The following RNF220 variants were observed in gnomAD, a reference collection of about 807,000 sequenced individuals.
RNF220 encodes E3 ubiquitin-protein ligase RNF220.
Under a neutral mutation model 67.1 loss-of-function variants are expected in RNF220, and 7 were observed. The ratio of observed to expected loss-of-function variants is 0.10; its 90% CI spans 0.06 to 0.20. The LOEUF (loss-of-function observed/expected upper bound fraction) is 0.20, where lower values mean the gene tolerates loss of function less well. Among genes scored for constraint, RNF220 ranks in the 10% least tolerant of loss-of-function variants. The probability of loss-of-function intolerance (pLI) is 1.00; values close to 1 mark genes in which losing one functional copy is unlikely to be tolerated. For synonymous variants in RNF220, 270 were observed against 283.2 expected (o/e 0.95, Z 0.47); for missense variants, 565 against 740.3 (o/e 0.76, Z 2.75).
At position 44,417,995 on chromosome 1, in the gene RNF220, G is replaced by A. The variant is rs1415631387; in HGVS notation, c.625+5273G>A. ...GGCCGCACACACGAGGGCCCGTCGCGCCCCCCGCCCTGCCCCGCCTCGCCC... is the reference window on the plus strand; with the variant it reads ...GGCCGCACACACGAGGGCCCGTCGCACCCCCCGCCCTGCCCCGCCTCGCCC... On this transcript the variant is annotated intron_variant, in intron 2 of 14. Transcript: ENST00000361799. This position sits in a 1 kb window ranked among gnomAD's most constrained non-coding sequence, Gnocchi z 4.0. Among the ~76,000 whole-genome samples, 3 of 151,932 alleles carry A rather than the reference G, an allele frequency of 2.0e-5. No homozygotes were observed. Among genetic ancestry groups the A allele is most frequent in the Admixed American group, 6.6e-5 (1 of 15,264 alleles).
intron 6 of RNF220, among the ~76,000 whole-genome samples, chr1:44,634,575 ACT>A (rs1644269967): frequency 6.6e-6 from 1 of 151,248 alleles, no homozygotes; most frequent in South Asian, 2.1e-4. Context: ...GGCTCTCCCC[ACT>A]CCCCATCAGT....
intron 8 of RNF220, 63 bp from the exon 9 acceptor site, chr1:44,644,635 A>G (rs1269461933): frequency 1.5e-6 from 2 of 1,346,342 alleles, no homozygotes; most frequent in Admixed American, 1.7e-5. Context: ...CCTGGAGGCA[A>G]CAGGAGGGGC....
chr1:44,604,679 C>A (rs1008150939), intron 2 of RNF220, among the ~76,000 whole-genome samples: 4 of 152,264 alleles, frequency 2.6e-5, no homozygotes, highest in African/African-American at 9.6e-5. Flanking sequence ...CTTCACCTGG[C>A]TGTCTTGCAG....
chr1:44,492,478 G>A (rs1335983078), intron 2 of RNF220, among the ~76,000 whole-genome samples: 1 of 152,134 alleles, frequency 6.6e-6, no homozygotes, highest in Non-Finnish European at 1.5e-5. Context: ...ATGCATAGAA[G>A]TATTATTCAT....
intron 12 of RNF220, among the ~76,000 whole-genome samples, chr1:44,647,515 AG>A (rs11306970): frequency 0.23 from 34,942 of 152,056 alleles, 5,255 homozygotes; most frequent in Middle Eastern, 0.34. Context: ...CCAGGAGGAA[AG>A]AGTCAGAGCC....
intron 2 of RNF220, among the ~76,000 whole-genome samples, chr1:44,500,765 C>T (rs573523477): frequency 1.3e-5 from 2 of 152,260 alleles, no homozygotes; most frequent in African/African-American, 2.4e-5. Context: ...TTCTAATTGC[C>T]GCTGCTGCTG....
intron 2 of RNF220, among the ~76,000 whole-genome samples, chr1:44,441,747 A>T (rs1651580197): frequency 6.6e-6 from 1 of 152,212 alleles, no homozygotes; most frequent in Admixed American, 6.5e-5. Flanking sequence ...TGATAAGAGG[A>T]GTCAGCAGCA....
intron 2 of RNF220, among the ~76,000 whole-genome samples, chr1:44,474,072 A>T (rs1655057136): frequency 1.3e-5 from 2 of 152,104 alleles, no homozygotes; most frequent in Non-Finnish European, 2.9e-5. Context: ...CAAGAAAAAA[A>T]ATAAAAAAAT....
intron 2 of RNF220, among the ~76,000 whole-genome samples, chr1:44,426,220 A>C (rs1273789490): frequency 1.3e-5 from 2 of 152,230 alleles, no homozygotes; most frequent in African/African-American, 2.4e-5. Context: ...TCAGAGGCAC[A>C]GTGCTTTGGC....
intron 2 of RNF220, among the ~76,000 whole-genome samples, chr1:44,496,090 T>C (rs1432263738): frequency 6.6e-6 from 1 of 152,202 alleles, no homozygotes. Context: ...ATCTGGGTTT[T>C]AGAAGGAGCC....
rs1644748993 is a variant in RNF220, at chr1:44,650,025, C to T, written c.1629+68C>T. 1 of 1,495,614 alleles carries T rather than the reference C, an allele frequency of 6.7e-7. No homozygotes were observed. The highest frequency in any genetic ancestry group is 9.2e-7 in the Non-Finnish European group (1 of 1,087,778). 92.6% of individuals were successfully genotyped at this position (1,495,614 alleles called of 1,614,324 possible). ...CACTGCCCAGATGTCTGTGCTTATG[C>T]CTGAGCCTGCCTGGGGGAAGTGGGG... is the stretch of plus-strand genomic sequence containing the variant. On this transcript the variant is annotated intron_variant, in intron 14 of 14. Transcript: ENST00000361799. The surrounding 1 kb of genome is among the most constrained non-coding windows in gnomAD (Gnocchi z 4.3).
At chr1:44,512,471 C>T (rs1442715578) in intron 2 of RNF220, among the ~76,000 whole-genome samples, 1 of 152,130 alleles carries the variant, frequency 6.6e-6, no homozygotes, top group Non-Finnish European at 1.5e-5. Flanking sequence ...AGGTGACACA[C>T]TGGGGTGGTT....
At chr1:44,627,763 G>A (rs1348322286) in intron 5 of RNF220, among the ~76,000 whole-genome samples, 1 of 152,346 alleles carries the variant, frequency 6.6e-6, no homozygotes, top group Non-Finnish European at 1.5e-5. Context: ...CAGGGCTGCA[G>A]GGACCTGTAA....
At chr1:44,566,797 C>T (rs1664056042) in intron 2 of RNF220, among the ~76,000 whole-genome samples, 1 of 152,168 alleles carries the variant, frequency 6.6e-6, no homozygotes, top group South Asian at 2.1e-4. Flanking sequence ...GGGGGAGACA[C>T]AGAAATGCCC....
At position 44,533,814 on chromosome 1, in the gene RNF220, G is replaced by C. The variant is rs1288884642; in HGVS notation, c.626-80351G>C. On this transcript the variant is annotated intron_variant, in intron 2 of 14. Transcript: ENST00000361799. ...AAAAAGTGGATAAGCATTCTAAGTA[G>C]AGGGATCAGAATGAGCAAAAGCAGA... is the stretch of plus-strand genomic sequence containing the variant. Among the ~76,000 whole-genome samples the C allele has an allele frequency of 2.6e-5, 4 of 152,242 alleles. No homozygotes were observed. In the South Asian group the frequency reaches 6.2e-4, roughly 24 times the overall value.
At chr1:44,521,000 A>T (rs1659894496) in intron 2 of RNF220, among the ~76,000 whole-genome samples, 1 of 152,158 alleles carries the variant, frequency 6.6e-6, no homozygotes, top group South Asian at 2.1e-4. Context: ...GGCTCAAAGG[A>T]TCCTCTCACC....
intron 2 of RNF220, chr1:44,423,838 C>A (rs1649468784): frequency 1.0e-6 from 1 of 985,112 alleles, no homozygotes; most frequent in Non-Finnish European, 1.2e-6. Flanking sequence ...TTGACTTTCG[C>A]GAGGGAGGTT....
rs1438070915 is a variant in RNF220, at chr1:44,412,257, G to T, written c.160G>T (p.Val54Phe). The change falls in exon 2 of 15, where the codon GTT becomes TTT. Residue 54 changes from valine (V) to phenylalanine (F), a missense_variant. Val to Phe is a conservative substitution (Grantham distance 50). Coordinates refer to ENST00000361799, the MANE Select transcript of RNF220 (RefSeq NM_018150.4). The surrounding 1 kb of genome is among the most constrained non-coding windows in gnomAD (Gnocchi z 5.3). ...ACGACCCTTTGGTGTACCTGTCTCA[G>T]TTGACAAGGACGTGCATATTCCTTT... Reference protein sequence around the residue: ...QPRPFGVPVSVDKDVHIPFTN... With the variant: ...QPRPFGVPVSFDKDVHIPFTN... 6.2e-7 allele frequency: 1 copy of T among 1,614,098 alleles called. No homozygotes were observed. The highest frequency in any genetic ancestry group is 8.5e-7 in the Non-Finnish European group (1 of 1,180,054).
At chr1:44,564,400 G>C (rs1663820554) in intron 2 of RNF220, among the ~76,000 whole-genome samples, 1 of 152,082 alleles carries the variant, frequency 6.6e-6, no homozygotes, top group Non-Finnish European at 1.5e-5. Context: ...ATCTCAGCAT[G>C]GCCCAGGAAT....
Sources: gnomAD v4.1 joint callset for allele counts (sites outside exome capture counted in the v4.1 genomes callset) on GRCh38, gnomAD v4.1.1 for gene constraint, Gnocchi (gnomAD v3.1) non-coding constraint, MANE v1.5 for transcripts, NCBI Gene and HGNC (gene_info 2026-07-23, HGNC 2026-07-21) for gene names.